Variants in HGS observed in about 807,000 individuals in gnomAD.
HGS encodes human growth factor-regulated tyrosine kinase substrate.
HGS carries 63 observed loss-of-function variants against 109.7 expected under a neutral mutation model. That is an observed-to-expected ratio of 0.57 (90% confidence interval 0.47 to 0.71). The LOEUF is 0.71. Among genes scored for constraint, HGS ranks in the 30% least tolerant of loss-of-function variants. The pLI is 0.00. For synonymous variants in HGS, 546 were observed against 437.3 expected (o/e 1.25, Z -3.10); for missense variants, 995 against 1,068.3 (o/e 0.93, Z 0.96).
chr17:81,690,147 G>A (rs2037041257), intron 5 of HGS, 35 bp from the exon 6 acceptor site: 4 of 1,604,670 alleles, frequency 2.5e-6, no homozygotes, highest in African/African-American at 1.3e-5. Flanking sequence ...CAGGCCAGGT[G>A]GGAGCAGGCA....
chr17:81,693,658 C>T lies in HGS; in HGVS notation c.746C>T (p.Pro249Leu), dbSNP rs759713201. Residue 249 changes from proline to leucine, a missense_variant, in exon 10 of 22, where the codon CCC becomes CTC. Pro to Leu is a moderately conservative substitution (Grantham distance 98). This residue lies in a region of HGS where 300 missense variants were observed against 235.4 expected (regional missense o/e 1.27). Coordinates refer to ENST00000329138, the MANE Select transcript of HGS (RefSeq NM_004712.5). ...ACCCTCCCCGCTTGTCCTCAGCTGCCCCCCAAGAGGGACGAGACGGCCCTG... is the reference window on the plus strand; with the variant it reads ...ACCCTCCCCGCTTGTCCTCAGCTGCTCCCCAAGAGGGACGAGACGGCCCTG... ...TSPLSQQSQL[P>L]PKRDETALQE... is the part of the protein sequence containing the mutation. 1.4e-5 allele frequency: 22 copies of T among 1,549,530 alleles called. No homozygotes were observed. Among genetic ancestry groups the T allele is most frequent in the Middle Eastern group, 1.8e-4 (1 of 5,548 alleles).
At chr17:81,690,807 G>A in intron 7 of HGS, 65 bp downstream of exon 7, 4 of 1,437,144 alleles carry the variant, frequency 2.8e-6, no homozygotes, top group Non-Finnish European at 3.9e-6. Flanking sequence ...CGTGCACAAG[G>A]CCACCGTCCC....
chr17:81,695,295 C>A, intron 14 of HGS, 72 bp downstream of exon 14: 2 of 1,509,194 alleles, frequency 1.3e-6, no homozygotes, highest in Non-Finnish European at 1.8e-6. Context: ...GCACATGGCA[C>A]AGGTGCCTGC....
chr17:81,697,614 C>G (rs1013065094), intron 18 of HGS: 1 of 72,470 alleles, frequency 1.4e-5, no homozygotes, highest in African/African-American at 1.1e-4. Flanking sequence ...CTGTTTTGCC[C>G]TTTACAGATG....
chr17:81,691,747 A>G lies in HGS; in HGVS notation c.662+176A>G, dbSNP rs950879474. 7 of 709,044 alleles carry G rather than the reference A, an allele frequency of 9.9e-6. No individual in the cohort carries two copies. In the South Asian group the frequency reaches 1.3e-4, roughly 13 times the overall value. The allele number at this position is 709,044 out of a possible 1,614,324, so 43.9% of individuals were successfully genotyped here. On this transcript the variant is annotated intron_variant, in intron 8 of 21. Transcript: ENST00000329138. The surrounding 1 kb of genome is among the most constrained non-coding windows in gnomAD (Gnocchi z 5.3). The stretch of plus-strand genomic sequence containing the variant: ...CGCATGCCCTCGGACCCTGCCCCAC[A>G]CTAGGGCAGGTGGGTGTGAGAGACA...
At chr17:81,689,921 G>C (rs1334897330) in intron 5 of HGS, among the ~76,000 whole-genome samples, 2 of 152,230 alleles carry the variant, frequency 1.3e-5, no homozygotes, top group Non-Finnish European at 2.9e-5. Flanking sequence ...GCCACGCAGG[G>C]GCCTCATGCC....
chr17:81,690,745 G>T lies in HGS; in HGVS notation c.537+3G>T. 1 of 1,611,986 alleles carries T rather than the reference G, an allele frequency of 6.2e-7. No individual in the cohort carries two copies. The highest frequency in any genetic ancestry group is 1.1e-5 in the South Asian group (1 of 90,972). On this transcript the variant is annotated splice_donor_region_variant and intron_variant, in intron 7 of 21. Coordinates refer to ENST00000329138, the MANE Select transcript of HGS (RefSeq NM_004712.5). ...AGTTCGGGGTGATGACCCGTAAGGT[G>T]AGTTCCCACCTGGGGGGCTCTACAG... is the stretch of plus-strand genomic sequence containing the variant.
rs2037153304 is a variant in HGS at position 81,696,609 on chromosome 17, G to A, written c.1569G>A (p.Glu523=). The part of the protein sequence containing the change: ...KLEIMRQKKQ[E]YLEVQRQLAI... The stretch of plus-strand genomic sequence containing the variant: ...ACCAGCATGTTTTTGCCGCACAGGA[G>A]TACCTGGAGGTGCAGAGGCAGCTGG... The change falls in exon 17 of 22, where the codon GAG becomes GAA. Residue 523 remains glutamate, a splice_region_variant and synonymous_variant. Transcript: ENST00000329138. The A allele has an allele frequency of 6.2e-7, 1 of 1,603,722 alleles. No individual in the cohort carries two copies. The highest frequency in any genetic ancestry group is 8.5e-7 in the Non-Finnish European group (1 of 1,175,104).
chr17:81,693,991 C>T lies in HGS; in HGVS notation c.936+26C>T, dbSNP rs538431629. On this transcript the variant is annotated intron_variant, in intron 11 of 21. Transcript: ENST00000329138. Reference sequence around the variant, plus strand: ...GTGAGCGGCCCTTGGGCTGGAGCTCCCTCTCCTGGAAGGCAGTAGGGTTGA... The same window carrying T: ...GTGAGCGGCCCTTGGGCTGGAGCTCTCTCTCCTGGAAGGCAGTAGGGTTGA... The T allele has an allele frequency of 9.5e-6, 15 of 1,585,916 alleles. 1 individual carries two copies. In the South Asian group the frequency reaches 1.7e-4, roughly 18 times the overall value.
chr17:81,698,839 C>T (rs1340965243), intron 18 of HGS, among the ~76,000 whole-genome samples: 6 of 152,148 alleles, frequency 3.9e-5, no homozygotes, highest in South Asian at 2.1e-4. Context: ...GAGGCCAAGG[C>T]GCGTGGCTCA....
Position 81,700,574 on chromosome 17 carries a change from C to A in HGS, c.1990C>A (p.Gln664Lys). Residue 664 changes from glutamine (Q) to lysine (K), a missense_variant, in exon 19 of 22, where the codon CAG becomes AAG. Transcript: ENST00000329138. ...PTASPAYSSY[Q>K]PTPTAGYQNV... ...CGCCAGCCCCGCTTACTCATCCTACCAGCCTACTCCCACAGCGGGCTACCA... is the reference window on the plus strand; with the variant it reads ...CGCCAGCCCCGCTTACTCATCCTACAAGCCTACTCCCACAGCGGGCTACCA... The A allele has an allele frequency of 6.2e-7, 1 of 1,609,220 alleles. No individual in the cohort carries two copies. Among genetic ancestry groups the A allele is most frequent in the Non-Finnish European group, 8.5e-7 (1 of 1,177,506 alleles).
intron 3 of HGS, among the ~76,000 whole-genome samples, chr17:81,686,729 A>G (rs963895598): frequency 7.9e-5 from 12 of 152,242 alleles, no homozygotes; most frequent in Non-Finnish European, 1.6e-4. Flanking sequence ...TGGGTTCCCC[A>G]CTGGCCTGAC....
Position 81,684,859 on chromosome 17 carries a change from C to G in HGS, c.38-746C>G, listed in dbSNP as rs367947527. 1.9e-4 allele frequency: 187 copies of G among 976,948 alleles called. No homozygotes were observed. The Middle Eastern group carries it at 3.7e-3, about 19-fold the overall frequency. 60.5% of individuals were successfully genotyped at this position (976,948 alleles called of 1,614,324 possible). ...TGAGACACCTTCCTTGCCAAGGGAA[C>G]CAGCAAGCAGACTGAGTATCTCAGC... On this transcript the variant is annotated intron_variant, in intron 1 of 21. Coordinates refer to ENST00000329138, the MANE Select transcript of HGS (RefSeq NM_004712.5).
At position 81,696,717 on chromosome 17, in the gene HGS, G is replaced by T. The variant is rs1477631269; in HGVS notation, c.1677G>T (p.Gln559His). ...AGCAGACGGTCCAGATGCGCGCGCA[G>T]ATGCCCGCCTTCCCCCTGCCCTACG... is the stretch of plus-strand genomic sequence containing the variant. Reference protein sequence around the residue: ...QQKQTVQMRAQMPAFPLPYAQ... With the variant: ...QQKQTVQMRAHMPAFPLPYAQ... The change falls in exon 17 of 22, where the codon CAG (glutamine) becomes CAT (histidine). Residue 559 changes from glutamine (Q) to histidine (H), a missense_variant. Physicochemically the swap from Gln to His is conservative, Grantham distance 24. This residue lies in a region of HGS where 326 missense variants were observed against 309.7 expected (regional missense o/e 1.05). Transcript: ENST00000329138. The T allele has an allele frequency of 1.2e-6, 2 of 1,608,484 alleles. No individual in the cohort carries two copies. Among genetic ancestry groups the T allele is most frequent in the Middle Eastern group, 3.3e-4 (2 of 6,046 alleles).
At chr17:81,696,802 C>A (rs1160516848) in intron 17 of HGS, 22 bp from the exon 18 acceptor site, 2 of 1,603,322 alleles carry the variant, frequency 1.2e-6, no homozygotes, top group Non-Finnish European at 1.7e-6. Flanking sequence ...CCAACTCTCA[C>A]CGCTGTCTCT....
At position 81,685,700 on chromosome 17, in the gene HGS, G is replaced by A. The variant is rs201863439; in HGVS notation, c.122+11G>A. 253 of 1,607,648 alleles carry A rather than the reference G, an allele frequency of 1.6e-4. 1 individual carries two copies. The African/African-American group carries it at 2.9e-3, about 19-fold the overall frequency. On this transcript the variant is annotated intron_variant, in intron 2 of 21. Coordinates refer to ENST00000329138, the MANE Select transcript of HGS (RefSeq NM_004712.5). ...CCAAGGGGACACACAGTGAGTTAGC[G>A]GGGCCTGTGCCCTGATGCGGAGGAG...
intron 4 of HGS, 58 bp downstream of exon 4, chr17:81,687,153 G>T: frequency 1.7e-6 from 2 of 1,161,378 alleles, no homozygotes; most frequent in Admixed American, 3.8e-5. Flanking sequence ...GCTTCTCCGG[G>T]TGTTTACTGG....
At chr17:81,700,229 C>T (rs1178534188) in intron 18 of HGS, among the ~76,000 whole-genome samples, 3 of 144,782 alleles carry the variant, frequency 2.1e-5, no homozygotes, top group Non-Finnish European at 3.0e-5. Flanking sequence ...ATTAGCCGGG[C>T]GTAGTGGCGT....
Position 81,693,684 on chromosome 17 carries a change from C to T in HGS, c.772C>T (p.Gln258Ter). 6.4e-7 allele frequency: 1 copy of T among 1,556,214 alleles called. No individual in the cohort carries two copies. Among genetic ancestry groups the T allele is most frequent in the Non-Finnish European group, 8.7e-7 (1 of 1,149,522 alleles). ...LPPKRDETAL[Q>*]EEEELQLALA... Reference sequence around the variant, plus strand: ...CCCCAAGAGGGACGAGACGGCCCTGCAGGAGGAGGAGGAGCTGCAGCTGGC... The same window carrying T: ...CCCCAAGAGGGACGAGACGGCCCTGTAGGAGGAGGAGGAGCTGCAGCTGGC... Residue 258 changes from glutamine to a stop codon, truncating the protein, a stop_gained, in exon 10 of 22, where the codon CAG becomes TAG. Transcript: ENST00000329138. LOFTEE classifies it high-confidence loss of function.
Sources: allele counts gnomAD v4.1 joint callset (sites outside exome capture counted in the v4.1 genomes callset), GRCh38; gene constraint gnomAD v4.1.1; regional missense constraint gnomAD v4.1.1; non-coding constraint Gnocchi (gnomAD v3.1); transcripts MANE v1.5; gene names NCBI Gene and HGNC (gene_info 2026-07-23, HGNC 2026-07-21).